Variants in SERINC5 observed in about 807,000 individuals in gnomAD.
SERINC5 encodes the protein chromosome 5 open reading frame 12.
Under a neutral mutation model 63.1 loss-of-function variants are expected in SERINC5, and 41 were observed. The ratio of observed to expected loss-of-function variants is 0.65; its 90% CI spans 0.51 to 0.84. SERINC5 has a LOEUF of 0.84. SERINC5 is among the 40% of genes least tolerant of loss of function. SERINC5 has a pLI of 0.00. For synonymous variants in SERINC5, 222 were observed against 215.2 expected, an observed-to-expected ratio of 1.03 and a Z score of -0.28; for missense variants, 523 against 573.0, an observed-to-expected ratio of 0.91 and a Z score of 0.89.
At chr5:80,199,939 A>G (rs1413064880) in intron 2 of SERINC5, among the ~76,000 whole-genome samples, 1 of 152,206 alleles carries the variant, frequency 6.6e-6, no homozygotes, top group Non-Finnish European at 1.5e-5. Flanking sequence ...TTAAAAAAAC[A>G]CAAGTAGTAC....
chr5:80,208,194 T>C (rs1184168466), intron 1 of SERINC5, among the ~76,000 whole-genome samples: 7 of 152,050 alleles, frequency 4.6e-5, no homozygotes, highest in Non-Finnish European at 8.8e-5. Context: ...GGAATGCTAA[T>C]GTAAACCATG....
intron 2 of SERINC5, among the ~76,000 whole-genome samples, chr5:80,202,530 C>A (rs922321509): frequency 1.3e-5 from 2 of 152,038 alleles, no homozygotes; most frequent in African/African-American, 2.4e-5. Context: ...GGGATGGATG[C>A]ACCGAAGGCC....
Position 80,142,689 on chromosome 5 carries a change from C to T in SERINC5, c.*974G>A. The T allele has an allele frequency of 1.0e-6, 1 of 985,402 alleles. No individual in the cohort carries two copies. The allele number at this position is 985,402 out of a possible 1,614,324, so 61.0% of individuals were successfully genotyped here. A position where few individuals can be genotyped will look rare whatever the true frequency, so the allele number is the denominator to read the frequency against. ...TCCGCTTTTACAGTTTCAAAGGCCT[C>T]AAGGTGGAGAAAAAACTGAGGGGCT... On this transcript the variant is annotated 3_prime_UTR_variant, in exon 12 of 12. Transcript: ENST00000507668.
intron 11 of SERINC5, among the ~76,000 whole-genome samples, chr5:80,144,622 TCTC>T (rs994255759): frequency 6.6e-6 from 1 of 152,130 alleles, no homozygotes; most frequent in African/African-American, 2.4e-5. Context: ...TCCCTTCTCC[TCTC>T]CTCCTTCAGG....
intron 1 of SERINC5, among the ~76,000 whole-genome samples, chr5:80,209,955 G>A (rs991157550): frequency 2.0e-5 from 3 of 151,858 alleles, no homozygotes; most frequent in Admixed American, 6.6e-5. Flanking sequence ...GGCTGAGGCA[G>A]GAGGATTGCC....
intron 6 of SERINC5, among the ~76,000 whole-genome samples, chr5:80,168,799 C>A (rs187461848): frequency 6.6e-6 from 1 of 152,334 alleles, no homozygotes; most frequent in African/African-American, 2.4e-5. Flanking sequence ...CAAGGTCAGG[C>A]TCACATGTTT....
intron 1 of SERINC5, among the ~76,000 whole-genome samples, chr5:80,253,081 T>C (rs2112621683): frequency 6.6e-6 from 1 of 152,304 alleles, no homozygotes; most frequent in Middle Eastern, 3.4e-3. Flanking sequence ...ACCTCAGTAA[T>C]GCGATCATCA....
At chr5:80,232,328 C>T (rs1252367265) in intron 1 of SERINC5, among the ~76,000 whole-genome samples, 3 of 151,412 alleles carry the variant, frequency 2.0e-5, no homozygotes, top group Non-Finnish European at 4.4e-5. Context: ...GGCAAGAACC[C>T]GGGATGTGGA....
At position 80,140,675 on chromosome 5, in the gene SERINC5, T is replaced by C; in HGVS notation, c.*2988A>G. The stretch of plus-strand genomic sequence containing the variant: ...GAAGGCTTATAATGGAAATAGTCTC[T>C]AGTCTCCAGTCAGGTAACATGCCGC... On this transcript the variant is annotated 3_prime_UTR_variant, in exon 12 of 12. Coordinates refer to ENST00000507668, the MANE Select transcript of SERINC5 (RefSeq NM_001174072.3). 1.0e-6 allele frequency: 1 copy of C among 985,312 alleles called. No homozygotes were observed. The highest frequency in any genetic ancestry group is 1.2e-6 in the Non-Finnish European group (1 of 829,862). 61.0% of individuals were successfully genotyped at this position (985,312 alleles called of 1,614,324 possible).
intron 11 of SERINC5, among the ~76,000 whole-genome samples, chr5:80,113,954 G>C (rs1744234517): frequency 1.3e-5 from 2 of 152,100 alleles, no homozygotes; most frequent in South Asian, 4.1e-4. Context: ...TTTGCTGCCA[G>C]ACTCTGGGTA....
intron 1 of SERINC5, among the ~76,000 whole-genome samples, chr5:80,240,695 C>T (rs1580211882): frequency 6.6e-6 from 1 of 152,234 alleles, no homozygotes; most frequent in Admixed American, 6.5e-5. Context: ...AAACAGGTAT[C>T]CCTCTGCTGC....
Position 80,139,090 on chromosome 5 carries a change from C to A in SERINC5, c.*4573G>T. The stretch of plus-strand genomic sequence containing the variant: ...ATCAGAGACCATTATAAATTTCAAA[C>A]AGTAGATTTACCACACATATTGCAT... On this transcript the variant is annotated 3_prime_UTR_variant, in exon 12 of 12. Coordinates refer to ENST00000507668, the MANE Select transcript of SERINC5 (RefSeq NM_001174072.3). The A allele has an allele frequency of 5.1e-6, 5 of 984,180 alleles. No individual in the cohort carries two copies. Among genetic ancestry groups the A allele is most frequent in the Non-Finnish European group, 4.8e-6 (4 of 828,798 alleles). 61.0% of individuals were successfully genotyped at this position (984,180 alleles called of 1,614,324 possible). A position where few individuals can be genotyped will look rare whatever the true frequency, so the allele number is the denominator to read the frequency against.
At chr5:80,180,582 G>A (rs1748353919) in intron 2 of SERINC5, among the ~76,000 whole-genome samples, 1 of 152,144 alleles carries the variant, frequency 6.6e-6, no homozygotes, top group Admixed American at 6.6e-5. Context: ...AATCCTCTGT[G>A]GCTGGCGCTC....
chr5:80,116,249 G>A (rs1744318182), intron 11 of SERINC5: 1 of 454,242 alleles, frequency 2.2e-6, no homozygotes, highest in African/African-American at 2.0e-5. Flanking sequence ...TCGGAGTTGG[G>A]GCCAGAGATG....
rs142791126 is a variant in SERINC5, at chr5:80,162,310, A to G, written c.860-3348T>C. 3.0e-4 allele frequency among the ~76,000 whole-genome samples: 46 copies of G among 152,312 alleles called. No homozygotes were observed. In the East Asian group the frequency reaches 8.9e-3, roughly 29 times the overall value. On this transcript the variant is annotated intron_variant, in intron 7 of 11. Coordinates refer to ENST00000507668, the MANE Select transcript of SERINC5 (RefSeq NM_001174072.3). ...TAAGACTGCTTTAGGCAATATGGTC[A>G]TTTTAACAATATTTATTCTCCTGAT...
At position 80,248,536 on chromosome 5, in the gene SERINC5, A is replaced by G. The variant is rs537691936; in HGVS notation, c.27+7360T>C. 1.1e-4 allele frequency among the ~76,000 whole-genome samples: 16 copies of G among 152,362 alleles called. 1 individual carries two copies. The East Asian group carries it at 3.1e-3, about 29-fold the overall frequency. ...TTCCACTTAATATTTTCATACCCCA[A>G]TAGACCTCAGGTAACTGAAACCACA... On this transcript the variant is annotated intron_variant, in intron 1 of 11. Transcript: ENST00000507668.
At chr5:80,137,165 A>AC (rs1745231462), downstream of SERINC5, among the ~76,000 whole-genome samples, 4 of 108,040 alleles carry the variant, frequency 3.7e-5, no homozygotes, top group Admixed American at 8.8e-5. Context: ...AAAAAAAAAC[A>AC]AAAAAAACAC....
intron 1 of SERINC5, among the ~76,000 whole-genome samples, chr5:80,229,049 T>TGGGGGG (rs1561441926): frequency 3.1e-5 from 1 of 32,336 alleles, no homozygotes; most frequent in Non-Finnish European, 6.0e-5. Flanking sequence ...TTTTTTTTTT[T>TGGGGGG]TGGGGATGGA....
At chr5:80,191,910 A>C (rs1324622726) in intron 2 of SERINC5, among the ~76,000 whole-genome samples, 1 of 152,072 alleles carries the variant, frequency 6.6e-6, no homozygotes, top group African/African-American at 2.4e-5. Flanking sequence ...TTCCCTTTTG[A>C]GAGAGATGGG....
Sources: gnomAD v4.1 joint callset for allele counts (sites outside exome capture counted in the v4.1 genomes callset) on GRCh38, gnomAD v4.1.1 for gene constraint, MANE v1.5 for transcripts, NCBI Gene and HGNC (gene_info 2026-07-23, HGNC 2026-07-21) for gene names.